The following KATNAL2 variants were observed in gnomAD, a reference collection of about 807,000 sequenced individuals.
KATNAL2 encodes katanin p60 ATPase-containing subunit A-like 2.
In KATNAL2, 52 loss-of-function variants were observed where a neutral mutation model predicts 76.3. That is an observed-to-expected ratio of 0.68 (90% confidence interval 0.55 to 0.86). KATNAL2 has a LOEUF of 0.86. Ranked by LOEUF, KATNAL2 falls within the 40% of genes least tolerant of loss-of-function variation. KATNAL2 has a pLI of 0.00. For missense variants in KATNAL2, 660 were observed against 668.9 expected, an observed-to-expected ratio of 0.99 and a Z score of 0.15; for synonymous variants, 243 against 244.2, an observed-to-expected ratio of 1.00 and a Z score of 0.05.
At chr18:46,920,130 G>A in intron 1 of KATNAL2, 1 of 1,278,834 alleles carries the variant, frequency 7.8e-7, no homozygotes, top group Non-Finnish European at 1.0e-6. Context: ...GCTCCTGGAT[G>A]GGTTGGGTAG....
chr18:47,057,496 A>G (rs983829939), intron 6 of KATNAL2, among the ~76,000 whole-genome samples: 1 of 152,252 alleles, frequency 6.6e-6, no homozygotes, highest in African/African-American at 2.4e-5. Flanking sequence ...GTAAATGTAT[A>G]TACTCTTGTA....
chr18:47,072,801 T>TC (rs1569115166), intron 13 of KATNAL2, among the ~76,000 whole-genome samples: 2 of 152,184 alleles, frequency 1.3e-5, no homozygotes, highest in Admixed American at 6.5e-5. Context: ...ACCTGGCTTT[T>TC]CCCCCAACTT....
chr18:47,032,930 C>T, intron 3 of KATNAL2: 1 of 1,610,324 alleles, frequency 6.2e-7, no homozygotes, highest in South Asian at 1.1e-5. Flanking sequence ...TTGGAAGTTT[C>T]GTTCCCCAAC....
chr18:47,094,342 T>C (rs1439197751), intron 15 of KATNAL2, among the ~76,000 whole-genome samples: 1 of 152,218 alleles, frequency 6.6e-6, no homozygotes, highest in East Asian at 1.9e-4. Flanking sequence ...CAGTTCAAAA[T>C]GGACTAAGAC....
At chr18:47,035,971 A>G (rs1019382557) in intron 3 of KATNAL2, among the ~76,000 whole-genome samples, 11 of 152,234 alleles carry the variant, frequency 7.2e-5, no homozygotes, top group African/African-American at 2.7e-4. Flanking sequence ...AGACAAAAAT[A>G]AAACCGGTAG....
intron 1 of KATNAL2, among the ~76,000 whole-genome samples, chr18:46,929,023 C>G (rs903742592): frequency 1.2e-4 from 18 of 152,084 alleles, no homozygotes; most frequent in African/African-American, 4.3e-4. Context: ...GTCTCGAACT[C>G]CTGACCTTGT....
chr18:47,082,159 C>A (rs1183911420), intron 15 of KATNAL2, among the ~76,000 whole-genome samples: 1 of 152,122 alleles, frequency 6.6e-6, no homozygotes, highest in East Asian at 1.9e-4. Flanking sequence ...TGGTACTGAC[C>A]TGGCCTAACT....
At chr18:47,066,848 TATA>T (rs199915069) in intron 10 of KATNAL2, among the ~76,000 whole-genome samples, 170 bp from the exon 11 acceptor site, 2,129 of 14,880 alleles carry the variant, frequency 0.14, 214 homozygotes, top group Non-Finnish European at 0.18. Context: ...TATATGTGTT[TATA>T]TATATATATA....
intron 3 of KATNAL2, among the ~76,000 whole-genome samples, chr18:46,959,488 T>C (rs1214451344): frequency 6.6e-6 from 1 of 152,214 alleles, no homozygotes; most frequent in African/African-American, 2.4e-5. Flanking sequence ...ACTGAGAATA[T>C]ACAGACATAA....
chr18:47,077,802 TAATATGTTTG>T (rs2062309570), intron 15 of KATNAL2, among the ~76,000 whole-genome samples: 1 of 152,346 alleles, frequency 6.6e-6, no homozygotes, highest in East Asian at 1.9e-4. Context: ...ATTCCAGAAA[TAATATGTTTG>T]AATTTTATAG....
intron 1 of KATNAL2, among the ~76,000 whole-genome samples, chr18:46,931,372 C>A (rs2058917165): frequency 6.6e-6 from 1 of 151,860 alleles, no homozygotes; most frequent in East Asian, 1.9e-4. Flanking sequence ...TTTAAAAAGG[C>A]AGGGTGTGGT....
chr18:46,931,812 C>A (rs2058932013), intron 1 of KATNAL2, among the ~76,000 whole-genome samples: 1 of 151,556 alleles, frequency 6.6e-6, no homozygotes, highest in Non-Finnish European at 1.5e-5. Flanking sequence ...ATGGAAAAAA[C>A]AATAAAATAG....
chr18:46,942,850 C>T (rs1258511173), intron 1 of KATNAL2, among the ~76,000 whole-genome samples: 1 of 151,460 alleles, frequency 6.6e-6, no homozygotes, highest in African/African-American at 2.4e-5. Context: ...GCATATCTAG[C>T]AATTTTGGTT....
intron 6 of KATNAL2, among the ~76,000 whole-genome samples, chr18:47,057,150 A>G (rs1424680579): frequency 6.6e-6 from 1 of 152,214 alleles, no homozygotes; most frequent in East Asian, 1.9e-4. Context: ...TTAGACATGA[A>G]CATTTATTAT....
At chr18:47,095,622 G>A (rs951218225) in intron 15 of KATNAL2, among the ~76,000 whole-genome samples, 4 of 152,204 alleles carry the variant, frequency 2.6e-5, no homozygotes, top group Non-Finnish European at 4.4e-5. Flanking sequence ...CTAATACAGT[G>A]TTTTTATTTC....
Position 47,077,368 on chromosome 18 carries a change from G to C in KATNAL2, c.1118G>C (p.Ser373Thr), listed in dbSNP as rs764878833. 1 of 1,613,672 alleles carries C rather than the reference G, an allele frequency of 6.2e-7. No individual in the cohort carries two copies. Among genetic ancestry groups the C allele is most frequent in the Non-Finnish European group, 8.5e-7 (1 of 1,179,626 alleles). Residue 373 changes from serine (S) to threonine (T), a missense_variant, in exon 15 of 18, where the codon AGC becomes ACC. Ser to Thr is a moderately conservative substitution (Grantham distance 58). Transcript: ENST00000683218. ...GTASGGEHEG[S>T]LRMKTELLVQ... ...CTCTGTAGGGGAGAACATGAAGGAA[G>C]CCTGCGGATGAAGACAGAGTTACTG...
intron 3 of KATNAL2, chr18:47,034,534 T>A (rs1599584467): frequency 1.2e-6 from 2 of 1,614,136 alleles, no homozygotes; most frequent in African/African-American, 1.3e-5. Flanking sequence ...AGTAGGGGAG[T>A]GCCAATCTCC....
At chr18:47,095,904 T>C (rs890551658) in intron 15 of KATNAL2, among the ~76,000 whole-genome samples, 1 of 152,242 alleles carries the variant, frequency 6.6e-6, no homozygotes, top group African/African-American at 2.4e-5. Context: ...CGTGTTTTTT[T>C]CTTCTTTTCC....
rs187412804 is a variant in KATNAL2, at chr18:47,077,606, C to T, written c.1211+145C>T. ...AATGTGGAGGCTTTACTGTTCAGGT[C>T]CCCAATCCTTGCTGTCTGTACCACG... is the stretch of plus-strand genomic sequence containing the variant. On this transcript the variant is annotated intron_variant, in intron 15 of 17. Coordinates refer to ENST00000683218, the MANE Select transcript of KATNAL2 (RefSeq NM_001387690.1). The T allele has an allele frequency of 8.0e-6, 5 of 623,202 alleles. No individual in the cohort carries two copies. The Admixed American group carries it at 9.5e-5, about 12-fold the overall frequency. The allele number at this position is 623,202 out of a possible 1,614,324, so 38.6% of individuals were successfully genotyped here. A position where few individuals can be genotyped will look rare whatever the true frequency, so the allele number is the denominator to read the frequency against.
Sources: allele counts gnomAD v4.1 joint callset (sites outside exome capture counted in the v4.1 genomes callset), GRCh38; gene constraint gnomAD v4.1.1; transcripts MANE v1.5; gene names NCBI Gene and HGNC (gene_info 2026-07-23, HGNC 2026-07-21).